The following TBC1D22A variants were observed in gnomAD, a reference collection of about 807,000 sequenced individuals.
TBC1D22A encodes TBC1 domain family member 22A.
In TBC1D22A, 38 loss-of-function variants were observed where a neutral mutation model predicts 60.2. The observed-to-expected ratio is 0.63, with a 90% CI of 0.49 to 0.83. The LOEUF (loss-of-function observed/expected upper bound fraction) is 0.83. TBC1D22A is among the 40% of genes least tolerant of loss of function. The pLI is 0.00. For synonymous variants in TBC1D22A, 302 were observed against 281.7 expected, an observed-to-expected ratio of 1.07 and a Z score of -0.72; for missense variants, 628 against 701.0, an observed-to-expected ratio of 0.90 and a Z score of 1.18.
intron 12 of TBC1D22A, among the ~76,000 whole-genome samples, chr22:47,164,676 A>T (rs2068127782): frequency 6.6e-6 from 1 of 152,180 alleles, no homozygotes; most frequent in African/African-American, 2.4e-5. Flanking sequence ...TCATTCAGGA[A>T]CTTGAAGTGG....
chr22:46,934,179 A>G (rs1030177780), intron 8 of TBC1D22A, among the ~76,000 whole-genome samples: 5 of 152,232 alleles, frequency 3.3e-5, no homozygotes, highest in Admixed American at 6.5e-5. Flanking sequence ...CATGATCAAA[A>G]TTAAATTTTC....
intron 4 of TBC1D22A, among the ~76,000 whole-genome samples, chr22:46,843,648 G>T (rs891636494): frequency 6.6e-6 from 1 of 151,974 alleles, no homozygotes; most frequent in Non-Finnish European, 1.5e-5. Flanking sequence ...CAATAGAGGG[G>T]CCATATTGTT....
chr22:46,820,728 A>G (rs899600313), intron 4 of TBC1D22A, among the ~76,000 whole-genome samples: 5 of 152,218 alleles, frequency 3.3e-5, no homozygotes, highest in Non-Finnish European at 5.9e-5. Context: ...TGAGAGTTCC[A>G]TAGACATCTA....
intron 5 of TBC1D22A, among the ~76,000 whole-genome samples, chr22:46,884,529 C>T (rs953029066): frequency 9.2e-5 from 14 of 152,182 alleles, no homozygotes; most frequent in African/African-American, 3.1e-4. Context: ...TGTGGAAAGG[C>T]GGCTGCTGGC....
intron 4 of TBC1D22A, among the ~76,000 whole-genome samples, chr22:46,808,796 G>A (rs998390894): frequency 1.3e-5 from 2 of 152,140 alleles, no homozygotes; most frequent in African/African-American, 2.4e-5. Context: ...GGGTTTCACC[G>A]TGTTAGCCAG....
intron 9 of TBC1D22A, among the ~76,000 whole-genome samples, 177 bp downstream of exon 9, chr22:46,974,576 T>C (rs147700262): frequency 6.6e-6 from 1 of 152,184 alleles, no homozygotes; most frequent in Non-Finnish European, 1.5e-5. Context: ...TGAGACACAG[T>C]GTATGTGCCC....
chr22:47,090,075 G>A (rs766408136), intron 11 of TBC1D22A, among the ~76,000 whole-genome samples: 1 of 152,154 alleles, frequency 6.6e-6, no homozygotes, highest in Non-Finnish European at 1.5e-5. Context: ...TCCCGTGCTA[G>A]GTCTGTGGGG....
intron 8 of TBC1D22A, among the ~76,000 whole-genome samples, chr22:46,942,541 C>T (rs1341738433): frequency 3.3e-5 from 5 of 152,148 alleles, no homozygotes; most frequent in South Asian, 2.1e-4. Context: ...ATTCAAACCG[C>T]GTTAATATTA....
intron 11 of TBC1D22A, among the ~76,000 whole-genome samples, chr22:47,100,645 G>GCCACCAT (rs959587804): frequency 6.6e-6 from 1 of 152,130 alleles, no homozygotes; most frequent in African/African-American, 2.4e-5. Context: ...TTTTTGGCCT[G>GCCACCAT]CCACCATCCA....
chr22:46,846,564 A>G (rs11913510), intron 4 of TBC1D22A, among the ~76,000 whole-genome samples: 5,314 of 152,236 alleles, frequency 0.035, 322 homozygotes, highest in African/African-American at 0.12. Flanking sequence ...CACCTTTACC[A>G]TCTCTCACAC....
rs144007788 is a variant in TBC1D22A at position 47,125,592 on chromosome 22, A to C, written c.1425+13989A>C. ...GAAATGATGAAAGGTTGGGAAGATG[A>C]AGTGTGAGTTAAGATGAAGGAACAG... On this transcript the variant is annotated intron_variant, in intron 12 of 12. Coordinates refer to ENST00000337137, the MANE Select transcript of TBC1D22A (RefSeq NM_014346.5). 4.0e-3 allele frequency among the ~76,000 whole-genome samples: 613 copies of C among 152,328 alleles called. 3 individuals are homozygous for C. The highest frequency in any genetic ancestry group is 0.014 in the African/African-American group (583 of 41,564).
chr22:46,958,547 CAG>C (rs2073332875), intron 8 of TBC1D22A, among the ~76,000 whole-genome samples: 1 of 152,222 alleles, frequency 6.6e-6, no homozygotes, highest in African/African-American at 2.4e-5. Context: ...ATGTGTGATG[CAG>C]AGTTAATTCT....
At chr22:46,867,908 C>A (rs750045144) in intron 4 of TBC1D22A, among the ~76,000 whole-genome samples, 3 of 152,250 alleles carry the variant, frequency 2.0e-5, no homozygotes, top group Non-Finnish European at 4.4e-5. Context: ...GCACCCGCTT[C>A]CTGGTCCCTC....
intron 12 of TBC1D22A, among the ~76,000 whole-genome samples, chr22:47,119,559 C>T (rs1011329731): frequency 6.6e-6 from 1 of 150,646 alleles, no homozygotes; most frequent in African/African-American, 2.5e-5. Context: ...TACAGTGGGG[C>T]GATCTCGGCT....
chr22:47,117,638 G>C (rs756297311), intron 12 of TBC1D22A, among the ~76,000 whole-genome samples: 8 of 152,180 alleles, frequency 5.3e-5, no homozygotes, highest in African/African-American at 1.9e-4. Flanking sequence ...CCGCAGGAGC[G>C]AGGAAAGCAG....
chr22:46,972,034 C>T (rs1196893002), intron 8 of TBC1D22A, among the ~76,000 whole-genome samples: 1 of 152,180 alleles, frequency 6.6e-6, no homozygotes, highest in East Asian at 1.9e-4. Context: ...CAGCCAGCAG[C>T]ACTTGTCATC....
intron 12 of TBC1D22A, among the ~76,000 whole-genome samples, chr22:47,154,102 G>C (rs1433155350): frequency 6.6e-6 from 1 of 152,156 alleles, no homozygotes; most frequent in East Asian, 1.9e-4. Context: ...GGCGGGAGCA[G>C]GGGAGCTCCG....
chr22:47,025,274 A>G (rs1194456775), intron 10 of TBC1D22A, among the ~76,000 whole-genome samples: 2 of 152,234 alleles, frequency 1.3e-5, no homozygotes, highest in Non-Finnish European at 2.9e-5. Context: ...TTTTTATAGA[A>G]AATTCCAAGA....
At position 46,874,820 on chromosome 22, in the gene TBC1D22A, C is replaced by T. The variant is rs553459935; in HGVS notation, c.638-3833C>T. Among the ~76,000 whole-genome samples the T allele has an allele frequency of 1.6e-4, 24 of 152,070 alleles. No individual in the cohort carries two copies. In the South Asian group the frequency reaches 2.5e-3, roughly 16 times the overall value. ...AATTCCTCACCTCAAATGATCTGCCCGCCTTGGCCTCCCAAAGTGCTAGGA... is the reference window on the plus strand; with the variant it reads ...AATTCCTCACCTCAAATGATCTGCCTGCCTTGGCCTCCCAAAGTGCTAGGA... On this transcript the variant is annotated intron_variant, in intron 4 of 12. Coordinates refer to ENST00000337137, the MANE Select transcript of TBC1D22A (RefSeq NM_014346.5).
Sources: gnomAD v4.1 joint callset for allele counts (sites outside exome capture counted in the v4.1 genomes callset) on GRCh38, gnomAD v4.1.1 for gene constraint, MANE v1.5 for transcripts, NCBI Gene and HGNC (gene_info 2026-07-23, HGNC 2026-07-21) for gene names.